The following CEP128 variants were observed in gnomAD, a reference collection of about 807,000 sequenced individuals.
The protein encoded by CEP128 is centrosomal protein 128, also known as centrosomal protein 128kDa.
Under a neutral mutation model 156.7 loss-of-function variants are expected in CEP128, and 132 were observed. That is an observed-to-expected ratio of 0.84 (90% CI 0.73 to 0.97). The LOEUF (loss-of-function observed/expected upper bound fraction) is 0.97. Ranked by LOEUF, CEP128 falls within the 50% of genes least tolerant of loss-of-function variation. The pLI is 0.00. For synonymous variants in CEP128, 469 were observed against 448.9 expected, an observed-to-expected ratio of 1.04 and a Z score of -0.57; for missense variants, 1,252 against 1,281.9, an observed-to-expected ratio of 0.98 and a Z score of 0.36.
At chr14:80,890,772 A>G (rs1292328947) in intron 8 of CEP128, among the ~76,000 whole-genome samples, 3 of 152,190 alleles carry the variant, frequency 2.0e-5, no homozygotes, top group African/African-American at 7.2e-5. Context: ...CTGCACATGT[A>G]TCACAGATCT....
intron 8 of CEP128, among the ~76,000 whole-genome samples, chr14:80,879,789 A>G (rs1016503760): frequency 1.3e-5 from 2 of 152,034 alleles, no homozygotes; most frequent in African/African-American, 4.8e-5. Flanking sequence ...AAACCCCCCA[A>G]GTCTTGGAAA....
intron 3 of CEP128, among the ~76,000 whole-genome samples, chr14:80,914,778 G>A (rs1056223976): frequency 3.3e-5 from 5 of 152,064 alleles, no homozygotes; most frequent in African/African-American, 4.8e-5. Flanking sequence ...AGTAGACTGT[G>A]TACAAGAGAA....
At chr14:80,647,490 C>G (rs1292690727) in intron 19 of CEP128, among the ~76,000 whole-genome samples, 3 of 151,924 alleles carry the variant, frequency 2.0e-5, no homozygotes, top group Non-Finnish European at 4.4e-5. Context: ...TCCCTGAACC[C>G]TAATATTTTT....
chr14:80,808,540 C>T (rs61979450), intron 13 of CEP128, among the ~76,000 whole-genome samples: 1 of 152,116 alleles, frequency 6.6e-6, no homozygotes, highest in Admixed American at 6.5e-5. Context: ...CAATCACCAA[C>T]CTGGACCACC....
chr14:80,799,374 T>C (rs1883691004), intron 13 of CEP128, among the ~76,000 whole-genome samples: 1 of 152,326 alleles, frequency 6.6e-6, no homozygotes, highest in Non-Finnish European at 1.5e-5. Context: ...AGGACCACTG[T>C]GATAATTGTG....
intron 23 of CEP128, among the ~76,000 whole-genome samples, chr14:80,516,538 C>A (rs1594937550): frequency 6.6e-6 from 1 of 152,154 alleles, no homozygotes; most frequent in Non-Finnish European, 1.5e-5. Flanking sequence ...TCCTTGTGGG[C>A]TAAACTGCCT....
intron 21 of CEP128, among the ~76,000 whole-genome samples, chr14:80,554,499 C>T (rs1423785897): frequency 6.6e-6 from 1 of 151,784 alleles, no homozygotes; most frequent in Non-Finnish European, 1.5e-5. Flanking sequence ...GGCTTGGTAG[C>T]CCTTTTCTGA....
intron 23 of CEP128, among the ~76,000 whole-genome samples, chr14:80,516,308 C>G (rs916622001): frequency 6.6e-6 from 1 of 152,166 alleles, no homozygotes; most frequent in African/African-American, 2.4e-5. Flanking sequence ...GCCTGGTGCC[C>G]TATTCTACTA....
intron 19 of CEP128, among the ~76,000 whole-genome samples, chr14:80,583,786 G>A (rs904304103): frequency 3.3e-5 from 5 of 152,074 alleles, no homozygotes; most frequent in African/African-American, 1.2e-4. Flanking sequence ...GCTTTTGTTG[G>A]ATTACTGCCA....
Position 80,873,773 on chromosome 14 carries a change from T to C in CEP128, c.646-10900A>G, listed in dbSNP as rs915567376. On this transcript the variant is annotated intron_variant, in intron 8 of 24. Transcript: ENST00000555265. ...AACCCAGTGGCAGGTGATTGAATTA[T>C]GGGGGCGGGTCTTTCCTGCACTATT... Among the ~76,000 whole-genome samples the C allele has an allele frequency of 4.0e-4, 61 of 152,204 alleles. 1 individual carries two copies. The highest frequency in any genetic ancestry group is 1.4e-3 in the African/African-American group (59 of 41,454).
intron 19 of CEP128, among the ~76,000 whole-genome samples, chr14:80,643,870 T>C (rs1398591924): frequency 6.6e-6 from 1 of 152,122 alleles, no homozygotes; most frequent in Non-Finnish European, 1.5e-5. Context: ...ACTAGTGAAC[T>C]CCCAAATTTC....
intron 13 of CEP128, among the ~76,000 whole-genome samples, chr14:80,815,771 T>C (rs1248222929): frequency 6.6e-6 from 1 of 152,188 alleles, no homozygotes; most frequent in African/African-American, 2.4e-5. Flanking sequence ...ATCATGTCTT[T>C]TGCAACAACA....
At chr14:80,561,850 T>C (rs1890687823) in intron 20 of CEP128, among the ~76,000 whole-genome samples, 1 of 151,498 alleles carries the variant, frequency 6.6e-6, no homozygotes, top group African/African-American at 2.4e-5. Flanking sequence ...ATGTGACTAT[T>C]GACTCAAATG....
At chr14:80,545,424 T>C (rs973473107) in intron 21 of CEP128, among the ~76,000 whole-genome samples, 2 of 152,182 alleles carry the variant, frequency 1.3e-5, no homozygotes, top group African/African-American at 4.8e-5. Flanking sequence ...AAATAAACAA[T>C]AACCACTAAT....
At chr14:80,729,081 G>GTGTGTGTGTC (rs1383162184) in intron 19 of CEP128, among the ~76,000 whole-genome samples, 8 of 65,828 alleles carry the variant, frequency 1.2e-4, no homozygotes, top group African/African-American at 2.8e-4. Flanking sequence ...GTGTGTGTGT[G>GTGTGTGTGTC]TGTGTGTGTG....
chr14:80,957,106 A>G (rs1886735752), intron 2 of CEP128, among the ~76,000 whole-genome samples: 1 of 151,960 alleles, frequency 6.6e-6, no homozygotes, highest in South Asian at 2.1e-4. Context: ...CACTTCCCCA[A>G]AGGTCCCTGC....
chr14:80,672,078 A>G (rs1310768512), intron 19 of CEP128, among the ~76,000 whole-genome samples: 1 of 152,214 alleles, frequency 6.6e-6, no homozygotes, highest in African/African-American at 2.4e-5. Flanking sequence ...CCTGCCAATT[A>G]TAAATTACAG....
At chr14:80,931,052 T>G (rs1199510755) in intron 2 of CEP128, among the ~76,000 whole-genome samples, 4 of 152,228 alleles carry the variant, frequency 2.6e-5, no homozygotes, top group Non-Finnish European at 5.9e-5. Flanking sequence ...TCCAGGTTGA[T>G]GAGCCTGTCA....
intron 2 of CEP128, among the ~76,000 whole-genome samples, chr14:80,925,861 G>C (rs1407169925): frequency 6.6e-6 from 1 of 152,146 alleles, no homozygotes; most frequent in Non-Finnish European, 1.5e-5. Flanking sequence ...TCTCCCACTG[G>C]GGAGCCGAGC....
Sources: gnomAD v4.1 joint callset for allele counts (sites outside exome capture counted in the v4.1 genomes callset) on GRCh38, gnomAD v4.1.1 for gene constraint, MANE v1.5 for transcripts, NCBI Gene and HGNC (gene_info 2026-07-23, HGNC 2026-07-21) for gene names.